Variants in COL25A1 observed in about 807,000 individuals in gnomAD.
COL25A1 encodes collagen alpha-1(XXV) chain.
Under a neutral mutation model 128.4 loss-of-function variants are expected in COL25A1, and 103 were observed. That is an observed-to-expected ratio of 0.80 (90% CI 0.68 to 0.94). COL25A1 has a LOEUF of 0.94. Among genes scored for constraint, COL25A1 ranks in the 40% least tolerant of loss-of-function variants. The pLI is 0.00. For missense variants in COL25A1, 745 were observed against 840.0 expected, an observed-to-expected ratio of 0.89 and a Z score of 1.40; for synonymous variants, 279 against 277.2, an observed-to-expected ratio of 1.01 and a Z score of -0.06.
chr4:108,920,096 T>G (rs1745325232), intron 12 of COL25A1, among the ~76,000 whole-genome samples: 1 of 152,152 alleles, frequency 6.6e-6, no homozygotes, highest in South Asian at 2.1e-4. Context: ...TTCTGATGAT[T>G]GCGGATAACA....
chr4:108,959,214 C>T (rs1010342906), intron 8 of COL25A1, among the ~76,000 whole-genome samples: 1 of 152,062 alleles, frequency 6.6e-6, no homozygotes, highest in African/African-American at 2.4e-5. Flanking sequence ...CACCTTCAGC[C>T]AACCTTCCTT....
intron 13 of COL25A1, 94 bp downstream of exon 13, chr4:108,918,078 T>C: frequency 1.5e-6 from 1 of 663,798 alleles, no homozygotes; most frequent in South Asian, 3.1e-5. Context: ...TTTATAAGCA[T>C]ATAAGCTTAT....
intron 8 of COL25A1, among the ~76,000 whole-genome samples, chr4:108,949,214 C>G (rs1749117997): frequency 1.3e-5 from 2 of 152,084 alleles, no homozygotes; most frequent in African/African-American, 4.8e-5. Flanking sequence ...GAGCTATTCT[C>G]TATAAATAAA....
intron 31 of COL25A1, among the ~76,000 whole-genome samples, chr4:108,835,833 T>C (rs1733719285): frequency 6.8e-6 from 1 of 147,206 alleles, no homozygotes; most frequent in African/African-American, 2.5e-5. Context: ...ATTACAGGTG[T>C]GAGCCACAGT....
At position 109,144,754 on chromosome 4, in the gene COL25A1, T is replaced by C. The variant is rs573721611; in HGVS notation, c.368-94575A>G. On this transcript the variant is annotated intron_variant, in intron 3 of 37. Coordinates refer to ENST00000399132, the MANE Select transcript of COL25A1 (RefSeq NM_198721.4). ...CCATGGCCCACTCAGGGAGACACAA[T>C]TGTGTAAGTATTCAGAAACAAGGCA... 4.1e-4 allele frequency among the ~76,000 whole-genome samples: 63 copies of C among 152,266 alleles called. 1 individual carries two copies. The South Asian group carries it at 0.012, about 28-fold the overall frequency.
At chr4:109,234,829 T>C (rs891923157) in intron 3 of COL25A1, among the ~76,000 whole-genome samples, 2 of 152,008 alleles carry the variant, frequency 1.3e-5, no homozygotes, top group African/African-American at 4.8e-5. Flanking sequence ...CCTATTCCCA[T>C]CCCGTTCTTC....
At chr4:108,940,441 C>G in intron 10 of COL25A1, 98 bp downstream of exon 10, 1 of 959,744 alleles carries the variant, frequency 1.0e-6, no homozygotes. Flanking sequence ...CACTTGACCC[C>G]CTGACCTGAT....
At chr4:109,250,542 G>A (rs897765159) in intron 3 of COL25A1, among the ~76,000 whole-genome samples, 1 of 152,180 alleles carries the variant, frequency 6.6e-6, no homozygotes, top group African/African-American at 2.4e-5. Context: ...AACTGAGAAC[G>A]AAGAGAGCCA....
At chr4:108,832,986 A>AATAAATAAATAC (rs1447390192) in intron 31 of COL25A1, among the ~76,000 whole-genome samples, 3 of 151,510 alleles carry the variant, frequency 2.0e-5, no homozygotes, top group Admixed American at 6.6e-5. Context: ...TAAATAAATA[A>AATAAATAAATAC]ATAAATAAAT....
intron 6 of COL25A1, among the ~76,000 whole-genome samples, chr4:108,994,237 G>C (rs1044818561): frequency 6.6e-6 from 1 of 152,142 alleles, no homozygotes; most frequent in East Asian, 1.9e-4. Context: ...CTGGAGAAAC[G>C]GTACATTCCT....
At chr4:108,942,425 T>A (rs1319461130) in intron 8 of COL25A1, among the ~76,000 whole-genome samples, 2 of 151,726 alleles carry the variant, frequency 1.3e-5, no homozygotes, top group African/African-American at 4.8e-5. Flanking sequence ...ATTAGACACA[T>A]AAGGCCCCAA....
At chr4:109,270,173 C>G (rs1260913520) in intron 3 of COL25A1, among the ~76,000 whole-genome samples, 2 of 151,942 alleles carry the variant, frequency 1.3e-5, no homozygotes, top group Non-Finnish European at 2.9e-5. Context: ...ACAGGGATGC[C>G]CTCTCTCACC....
At chr4:108,932,540 C>T (rs1477562772) in intron 11 of COL25A1, among the ~76,000 whole-genome samples, 2 of 151,756 alleles carry the variant, frequency 1.3e-5, no homozygotes, top group Admixed American at 6.6e-5. Context: ...TAAATGAATA[C>T]GTTATGGAGT....
At position 109,021,642 on chromosome 4, in the gene COL25A1, C is replaced by T. The variant is rs528191494; in HGVS notation, c.421-11267G>A. The stretch of plus-strand genomic sequence containing the variant: ...CATAAGGTCTGACTGCCTGTGGGGT[C>T]GGGCAAAAAGAGCCATATTTTTCTT... On this transcript the variant is annotated intron_variant, in intron 5 of 37. Transcript: ENST00000399132. 14 of 423,186 alleles carry T rather than the reference C, an allele frequency of 3.3e-5. No individual in the cohort carries two copies. The East Asian group carries it at 4.4e-4, about 13-fold the overall frequency. 26.2% of individuals were successfully genotyped at this position (423,186 alleles called of 1,614,324 possible). A position where few individuals can be genotyped will look rare whatever the true frequency, so the allele number is the denominator to read the frequency against.
chr4:109,012,174 C>T (rs758710142), intron 5 of COL25A1, among the ~76,000 whole-genome samples: 2 of 152,186 alleles, frequency 1.3e-5, no homozygotes, highest in African/African-American at 2.4e-5. Flanking sequence ...CACTATGCCC[C>T]GCTAACTTTA....
intron 3 of COL25A1, among the ~76,000 whole-genome samples, chr4:109,249,528 TA>T (rs1400337745): frequency 6.6e-6 from 1 of 152,214 alleles, no homozygotes; most frequent in Non-Finnish European, 1.5e-5. Context: ...ACAATGTTTT[TA>T]TGTGTCAGTA....
chr4:108,835,139 C>T (rs542517184), intron 31 of COL25A1, among the ~76,000 whole-genome samples: 21 of 152,328 alleles, frequency 1.4e-4, no homozygotes, highest in African/African-American at 4.6e-4. Flanking sequence ...CGAATGTTCT[C>T]AGACAATGCA....
At chr4:109,277,632 C>T (rs1168707680) in intron 3 of COL25A1, among the ~76,000 whole-genome samples, 2 of 152,022 alleles carry the variant, frequency 1.3e-5, no homozygotes, top group Admixed American at 1.3e-4. Flanking sequence ...TTGAAAATAC[C>T]AACACATAAA....
intron 3 of COL25A1, among the ~76,000 whole-genome samples, chr4:109,191,289 G>A (rs187952525): frequency 1.1e-3 from 162 of 150,388 alleles, no homozygotes; most frequent in African/African-American, 3.5e-3. Context: ...GGGAAATCAA[G>A]AAGGACAATG....
Sources: gnomAD v4.1 joint callset for allele counts (sites outside exome capture counted in the v4.1 genomes callset) on GRCh38, gnomAD v4.1.1 for gene constraint, MANE v1.5 for transcripts, NCBI Gene and HGNC (gene_info 2026-07-23, HGNC 2026-07-21) for gene names.